The following MOBP variants were observed in gnomAD, a reference collection of about 807,000 sequenced individuals.
MOBP encodes myelin-associated oligodendrocyte basic protein.
A neutral mutation model predicts 15.0 loss-of-function variants in MOBP; 5 were observed. That is an observed-to-expected ratio of 0.33 (90% CI 0.17 to 0.70). MOBP has a LOEUF of 0.70. Ranked by LOEUF, MOBP falls within the 30% of genes least tolerant of loss-of-function variation. The probability of loss-of-function intolerance (pLI) is 0.67; values close to 1 mark genes in which losing one functional copy is unlikely to be tolerated. For missense variants in MOBP, 188 were observed against 257.8 expected, an observed-to-expected ratio of 0.73 and a Z score of 1.85; for synonymous variants, 88 against 99.0, an observed-to-expected ratio of 0.89 and a Z score of 0.66.
downstream of MOBP, chr3:39,529,113 G>A (rs2043363603): frequency 6.6e-6 from 1 of 152,148 alleles, no homozygotes; most frequent in Admixed American, 6.5e-5. Context: ...AAAATGTTAG[G>A]TAAGTGGACA....
downstream of MOBP, chr3:39,529,166 AAC>A (rs2043364160): frequency 6.6e-6 from 1 of 152,220 alleles, no homozygotes; most frequent in Non-Finnish European, 1.5e-5. Context: ...CAAAGAGAAA[AAC>A]AGTATGTTGG....
downstream of MOBP, among the ~76,000 whole-genome samples, chr3:39,504,306 G>C (rs2043020328): frequency 6.6e-6 from 1 of 152,200 alleles, no homozygotes; most frequent in South Asian, 2.1e-4. Context: ...ATGAAACAGA[G>C]GAAATTAATT....
At chr3:39,520,537 A>T (rs867010829), downstream of MOBP, among the ~76,000 whole-genome samples, 3 of 144,732 alleles carry the variant, frequency 2.1e-5, no homozygotes, top group African/African-American at 8.3e-5. Flanking sequence ...TGTGTTCATG[A>T]GTGTGTGTGT....
At chr3:39,510,043 A>G (rs1417363705) in intron 4 of MOBP, among the ~76,000 whole-genome samples, 1 of 152,132 alleles carries the variant, frequency 6.6e-6, no homozygotes, top group African/African-American at 2.4e-5. Flanking sequence ...TGGTTTGCAT[A>G]TGGCTCAATT....
chr3:39,505,553 T>C (rs1167782292), downstream of MOBP, among the ~76,000 whole-genome samples: 1 of 152,204 alleles, frequency 6.6e-6, no homozygotes, highest in African/African-American at 2.4e-5. Flanking sequence ...AGCAGTCCTT[T>C]ATACATCCTG....
intron 2 of MOBP, among the ~76,000 whole-genome samples, chr3:39,489,415 G>A (rs2042761973): frequency 6.6e-6 from 1 of 152,130 alleles, no homozygotes; most frequent in African/African-American, 2.4e-5. Flanking sequence ...GGCACTTAAA[G>A]GTACTCAATA....
intron 4 of MOBP, among the ~76,000 whole-genome samples, chr3:39,510,804 ACTG>A (rs1457255034): frequency 1.3e-5 from 2 of 152,126 alleles, no homozygotes; most frequent in Non-Finnish European, 2.9e-5. Flanking sequence ...TATGTTTCGA[ACTG>A]CTATTTTGTT....
chr3:39,489,835 C>G (rs1034125487), intron 2 of MOBP, among the ~76,000 whole-genome samples: 1 of 152,148 alleles, frequency 6.6e-6, no homozygotes, highest in Non-Finnish European at 1.5e-5. Context: ...CTCCGAGTTT[C>G]TGCCATATAA....
At chr3:39,475,356 A>G (rs2042531154) in intron 1 of MOBP, among the ~76,000 whole-genome samples, 1 of 152,120 alleles carries the variant, frequency 6.6e-6, no homozygotes, top group Admixed American at 6.6e-5. Flanking sequence ...CTTTAAAGTG[A>G]TTATTCTTTT....
chr3:39,478,267 C>T (rs1411282053), intron 1 of MOBP, among the ~76,000 whole-genome samples: 1 of 152,090 alleles, frequency 6.6e-6, no homozygotes, highest in East Asian at 1.9e-4. Flanking sequence ...AGATATGTTT[C>T]AATATGCAAA....
downstream of MOBP, chr3:39,517,827 A>T (rs1333938464): frequency 6.6e-6 from 1 of 152,238 alleles, no homozygotes; most frequent in African/African-American, 2.4e-5. Context: ...CCTGATAATT[A>T]TTCCTATATT....
At chr3:39,528,963 G>C (rs925582211), downstream of MOBP, 3 of 152,192 alleles carry the variant, frequency 2.0e-5, no homozygotes, top group Non-Finnish European at 2.9e-5. Context: ...TCCTCTGTGC[G>C]GGGCTCTGCA....
chr3:39,495,331 C>A (rs1417952351), intron 2 of MOBP, among the ~76,000 whole-genome samples: 5 of 151,858 alleles, frequency 3.3e-5, no homozygotes, highest in African/African-American at 1.2e-4. Context: ...AAGAACTCAT[C>A]CATAATTAAA....
chr3:39,490,366 A>G (rs925561479), intron 2 of MOBP, among the ~76,000 whole-genome samples: 3 of 152,230 alleles, frequency 2.0e-5, no homozygotes, highest in Non-Finnish European at 4.4e-5. Flanking sequence ...ATTGATATTC[A>G]GAGAGTAAAT....
At chr3:39,497,918 G>A (rs1421649466) in intron 2 of MOBP, among the ~76,000 whole-genome samples, 2 of 152,136 alleles carry the variant, frequency 1.3e-5, no homozygotes, top group Non-Finnish European at 2.9e-5. Flanking sequence ...CAAAAGTGAG[G>A]TACAGAAACA....
At chr3:39,519,829 A>G (rs9990337), downstream of MOBP, among the ~76,000 whole-genome samples, 7,494 of 152,156 alleles carry the variant, frequency 0.049, 665 homozygotes, top group African/African-American at 0.17. Flanking sequence ...AAGAGACCAC[A>G]GCCTTCTATT....
chr3:39,487,168 A>G (rs973787948), intron 2 of MOBP, among the ~76,000 whole-genome samples: 2 of 151,300 alleles, frequency 1.3e-5, no homozygotes, highest in Admixed American at 1.3e-4. Context: ...CTCGAACTCC[A>G]TCTTGGACCT....
chr3:39,488,090 T>C (rs2042743184), intron 2 of MOBP, among the ~76,000 whole-genome samples: 2 of 152,262 alleles, frequency 1.3e-5, no homozygotes, highest in Non-Finnish European at 2.9e-5. Context: ...TTGATTTATT[T>C]CTAGGTACTT....
chr3:39,468,912 A>AGTGTGTATATATACATATATACATT lies in MOBP; in HGVS notation c.-89+1197_-89+1221dup, dbSNP rs1559411695. Reference sequence around the variant, plus strand: ...GTGTATATATACATATATACATATGAGTGTGTATATATACATATATACATT... The same window carrying AGTGTGTATATATACATATATACATT: ...GTGTATATATACATATATACATATGAGTGTGTATATATACATATATACATTGTGTGTATATATACATATATACATT... On this transcript the variant is annotated intron_variant, in intron 1 of 3. Transcript: ENST00000684792. Among the ~76,000 whole-genome samples the AGTGTGTATATATACATATATACATT allele has an allele frequency of 2.0e-4, 16 of 78,076 alleles. 3 individuals carry two copies. Among genetic ancestry groups the AGTGTGTATATATACATATATACATT allele is most frequent in the African/African-American group, 5.3e-4 (4 of 7,542 alleles). 51.2% of individuals were successfully genotyped at this position (78,076 alleles called of 152,430 possible). A position where few individuals can be genotyped will look rare whatever the true frequency, so the allele number is the denominator to read the frequency against.
Sources: allele counts gnomAD v4.1 joint callset (sites outside exome capture counted in the v4.1 genomes callset), GRCh38; gene constraint gnomAD v4.1.1; transcripts MANE v1.5; gene names NCBI Gene and HGNC (gene_info 2026-07-23, HGNC 2026-07-21).